Variants in CA10 observed in about 807,000 individuals in gnomAD.
CA10 encodes carbonic anhydrase 10 (inactive), also known as carbonic anhydrase-related protein 10.
A neutral mutation model predicts 44.2 loss-of-function variants in CA10; 14 were observed. The ratio of observed to expected loss-of-function variants is 0.32; its 90% CI spans 0.21 to 0.50. The LOEUF (loss-of-function observed/expected upper bound fraction) is 0.50. Among genes scored for constraint, CA10 ranks in the 20% least tolerant of loss-of-function variants. CA10 has a pLI of 0.99. For synonymous variants in CA10, 159 were observed against 141.6 expected, an observed-to-expected ratio of 1.12 and a Z score of -0.87; for missense variants, 350 against 409.7, an observed-to-expected ratio of 0.85 and a Z score of 1.26.
At chr17:52,147,249 C>G (rs910668109) in intron 1 of CA10, among the ~76,000 whole-genome samples, 1 of 152,016 alleles carries the variant, frequency 6.6e-6, no homozygotes, top group African/African-American at 2.4e-5. Context: ...ATAAAATACA[C>G]TCTGATTCCA....
chr17:51,891,794 G>C (rs2143911218), intron 3 of CA10, among the ~76,000 whole-genome samples: 1 of 152,268 alleles, frequency 6.6e-6, no homozygotes, highest in East Asian at 1.9e-4. Flanking sequence ...CTCACGATGG[G>C]AATATGACTG....
chr17:52,067,929 C>T (rs59682028), intron 2 of CA10, among the ~76,000 whole-genome samples: 20 of 151,974 alleles, frequency 1.3e-4, no homozygotes, highest in Admixed American at 1.2e-3. Flanking sequence ...TTTACAGGCT[C>T]ATAGGCAGAA....
chr17:52,089,774 T>C (rs1434105086), intron 1 of CA10, among the ~76,000 whole-genome samples: 2 of 152,090 alleles, frequency 1.3e-5, no homozygotes, highest in East Asian at 3.9e-4. Context: ...AACTATAAAT[T>C]TTATGCATGC....
chr17:51,674,371 C>A (rs766723518), intron 4 of CA10, among the ~76,000 whole-genome samples: 4 of 152,172 alleles, frequency 2.6e-5, no homozygotes, highest in Non-Finnish European at 5.9e-5. Context: ...AACTGTAAAA[C>A]CCTTGAACAA....
chr17:51,946,200 A>C (rs1789984872), intron 2 of CA10, among the ~76,000 whole-genome samples: 1 of 152,186 alleles, frequency 6.6e-6, no homozygotes, highest in Admixed American at 6.5e-5. Context: ...ATTTCAGTTA[A>C]GTGGAATAAG....
intron 3 of CA10, among the ~76,000 whole-genome samples, chr17:51,903,393 TC>T (rs1229882997): frequency 1.3e-5 from 2 of 152,176 alleles, no homozygotes; most frequent in Non-Finnish European, 2.9e-5. Context: ...CGCTTCCTTT[TC>T]CTCCTTCACA....
intron 6 of CA10, among the ~76,000 whole-genome samples, chr17:51,647,128 G>A (rs1255410044): frequency 5.9e-5 from 9 of 152,092 alleles, no homozygotes; most frequent in Non-Finnish European, 1.0e-4. Flanking sequence ...TGAAAAGGGT[G>A]TTTAAATGTC....
At chr17:52,019,103 C>T (rs28377252) in intron 2 of CA10, among the ~76,000 whole-genome samples, 99,284 of 152,004 alleles carry the variant, frequency 0.65, 33,746 homozygotes, top group African/African-American at 0.82. Flanking sequence ...GCTTCCTGTA[C>T]ACCCAGCAGA....
At chr17:51,816,547 A>AT (rs1262692457) in intron 3 of CA10, among the ~76,000 whole-genome samples, 1 of 152,128 alleles carries the variant, frequency 6.6e-6, no homozygotes, top group Non-Finnish European at 1.5e-5. Flanking sequence ...AATTGAAAGC[A>AT]TTTTTTTCAT....
At chr17:51,980,361 C>T (rs1262889030) in intron 2 of CA10, among the ~76,000 whole-genome samples, 1 of 152,056 alleles carries the variant, frequency 6.6e-6, no homozygotes, top group African/African-American at 2.4e-5. Context: ...GTCCTTTGCC[C>T]ACTTTTTAAT....
At chr17:51,781,270 T>TA (rs1906047278) in intron 3 of CA10, among the ~76,000 whole-genome samples, 1 of 152,248 alleles carries the variant, frequency 6.6e-6, no homozygotes. Flanking sequence ...ATTATTATAA[T>TA]ATCTGAGATA....
chr17:51,973,675 G>A (rs1984361224), intron 2 of CA10, among the ~76,000 whole-genome samples: 1 of 152,146 alleles, frequency 6.6e-6, no homozygotes, highest in Admixed American at 6.6e-5. Context: ...GTAGTCTTTA[G>A]ACCCATTCTA....
Position 51,720,926 on chromosome 17 carries a change from G to A in CA10, c.465+26707C>T, listed in dbSNP as rs80179126. ...TCTCACCATAAAAAAATGATGTGAGGTGATGGATATGTCAATTAGCTTGAT... is the reference window on the plus strand; with the variant it reads ...TCTCACCATAAAAAAATGATGTGAGATGATGGATATGTCAATTAGCTTGAT... On this transcript the variant is annotated intron_variant, in intron 4 of 8. Transcript: ENST00000451037. 4.9e-3 allele frequency among the ~76,000 whole-genome samples: 739 copies of A among 152,264 alleles called. 9 individuals carry two copies. The highest frequency in any genetic ancestry group is 0.017 in the African/African-American group (710 of 41,550).
At chr17:52,093,217 C>G (rs1988316142) in intron 1 of CA10, among the ~76,000 whole-genome samples, 1 of 152,050 alleles carries the variant, frequency 6.6e-6, no homozygotes, top group Admixed American at 6.5e-5. Context: ...TAGAGATGGG[C>G]ACATACTAGC....
chr17:51,986,266 A>G (rs1339411314), intron 2 of CA10, among the ~76,000 whole-genome samples: 1 of 152,032 alleles, frequency 6.6e-6, no homozygotes, highest in Non-Finnish European at 1.5e-5. Context: ...AGAACACCCT[A>G]TTCAACAAAT....
At chr17:51,775,020 T>C (rs1339164681) in intron 3 of CA10, among the ~76,000 whole-genome samples, 1 of 152,068 alleles carries the variant, frequency 6.6e-6, no homozygotes, top group Non-Finnish European at 1.5e-5. Flanking sequence ...TGGGAGACCA[T>C]TGTTCCCCAT....
intron 3 of CA10, among the ~76,000 whole-genome samples, chr17:51,902,262 G>A (rs1456479534): frequency 6.6e-6 from 1 of 152,108 alleles, no homozygotes; most frequent in African/African-American, 2.4e-5. Flanking sequence ...ACCATTCTCT[G>A]TTGGAGGCAC....
intron 4 of CA10, among the ~76,000 whole-genome samples, chr17:51,721,586 T>A (rs973849014): frequency 6.6e-6 from 1 of 152,126 alleles, no homozygotes. Flanking sequence ...CTGCCCACTT[T>A]GGCTTCCCAA....
chr17:51,905,256 T>G (rs551992120), intron 3 of CA10, among the ~76,000 whole-genome samples: 2 of 152,148 alleles, frequency 1.3e-5, no homozygotes, highest in Non-Finnish European at 2.9e-5. Flanking sequence ...GGCTTGGAGA[T>G]AGGAGTCTTT....
Sources: allele counts gnomAD v4.1 joint callset (sites outside exome capture counted in the v4.1 genomes callset), GRCh38; gene constraint gnomAD v4.1.1; transcripts MANE v1.5; gene names NCBI Gene and HGNC (gene_info 2026-07-23, HGNC 2026-07-21).